MED13: variants seen among roughly 807,000 people sequenced by gnomAD.
The protein encoded by MED13 is mediator complex subunit 13, also known as mediator of RNA polymerase II transcription subunit 13.
In MED13, 23 loss-of-function variants were observed where a neutral mutation model predicts 225.2. The ratio of observed to expected loss-of-function variants is 0.10; its 90% confidence interval spans 0.07 to 0.14. The LOEUF (loss-of-function observed/expected upper bound fraction) is 0.14. Among genes scored for constraint, MED13 ranks in the 10% least tolerant of loss-of-function variants. The pLI, the probability that MED13 is intolerant of heterozygous loss-of-function variation, is 1.00. For synonymous variants in MED13, 942 were observed against 889.2 expected (o/e 1.06, Z -1.06); for missense variants, 2,197 against 2,594.5 (o/e 0.85, Z 3.33).
At chr17:61,964,949 A>G in intron 20 of MED13, 57 bp downstream of exon 20, 1 of 1,484,894 alleles carries the variant, frequency 6.7e-7, no homozygotes. Context: ...AAAAAAAAAG[A>G]AAGAAGCAGC....
chr17:62,048,043 C>CATATACATATACATATACATATACATAT (rs776069700), intron 3 of MED13, among the ~76,000 whole-genome samples: 11 of 131,166 alleles, frequency 8.4e-5, no homozygotes, highest in African/African-American at 2.2e-4. Flanking sequence ...TATACATATA[C>CATATACATATACATATACATATACATAT]ATATATATAT....
chr17:61,963,303 G>C (rs2080023140), intron 20 of MED13, among the ~76,000 whole-genome samples: 1 of 146,136 alleles, frequency 6.8e-6, no homozygotes, highest in African/African-American at 2.6e-5. Context: ...TAGAGTTTAA[G>C]GGATAAAACT....
intron 8 of MED13, among the ~76,000 whole-genome samples, chr17:62,021,926 G>C (rs996714923): frequency 1.3e-5 from 2 of 151,944 alleles, no homozygotes; most frequent in African/African-American, 4.8e-5. Flanking sequence ...CTGCACTTTG[G>C]GAGGCCAAGG....
chr17:61,964,962 C>G (rs779764980), intron 20 of MED13, 44 bp downstream of exon 20: 50 of 1,540,402 alleles, frequency 3.2e-5, no homozygotes, highest in Non-Finnish European at 3.8e-5. Context: ...GAAGCAGCAT[C>G]ATAGTTTTTA....
At chr17:62,033,512 A>G (rs1408182631) in intron 5 of MED13, among the ~76,000 whole-genome samples, 1 of 152,224 alleles carries the variant, frequency 6.6e-6, no homozygotes, top group African/African-American at 2.4e-5. Flanking sequence ...GTACACTTAC[A>G]TGGTTAGGTT....
At chr17:62,048,747 A>G (rs1009008512) in intron 3 of MED13, among the ~76,000 whole-genome samples, 2 of 152,108 alleles carry the variant, frequency 1.3e-5, no homozygotes, top group Admixed American at 1.3e-4. Flanking sequence ...AGAGCGTACA[A>G]ATACTGGCAG....
At chr17:62,004,666 C>G (rs756271771) in intron 9 of MED13, 1 of 152,112 alleles carries the variant, frequency 6.6e-6, no homozygotes, top group South Asian at 2.1e-4. Context: ...GAGAAAGGGT[C>G]TGGATTTTAC....
chr17:62,065,226 G>A lies in MED13; in HGVS notation c.-21C>T. ...CTCATCGTCCCTCACAGCAGCCGCC[G>A]CCGGCGCCACAACCCACCATCCGCC... On this transcript the variant is annotated 5_prime_UTR_variant, in exon 1 of 30. Transcript: ENST00000397786. The A allele has an allele frequency of 2.0e-6, 3 of 1,503,854 alleles. No homozygotes were observed. The highest frequency in any genetic ancestry group is 2.4e-5 in the South Asian group (2 of 83,482). 93.2% of individuals were successfully genotyped at this position (1,503,854 alleles called of 1,614,324 possible).
At chr17:62,035,099 C>T (rs1017746373) in intron 4 of MED13, among the ~76,000 whole-genome samples, 19 of 151,914 alleles carry the variant, frequency 1.3e-4, no homozygotes, top group African/African-American at 3.4e-4. Flanking sequence ...CCAGCCTGGG[C>T]GACAGAGCGA....
Position 62,064,134 on chromosome 17 carries a change from G to T in MED13, c.67-833C>A, listed in dbSNP as rs2081062989. 3.9e-5 allele frequency among the ~76,000 whole-genome samples: 6 copies of T among 152,320 alleles called. No homozygotes were observed. In the South Asian group the frequency reaches 1.2e-3, roughly 32 times the overall value. ...CAGTTTACACTTGCCAACTAGTTGT[G>T]CTCCTCCCACTTAACTCACTTACCT... On this transcript the variant is annotated intron_variant, in intron 1 of 29. Transcript: ENST00000397786.
At chr17:62,044,796 G>GA (rs2080884913) in intron 3 of MED13, among the ~76,000 whole-genome samples, 1 of 152,140 alleles carries the variant, frequency 6.6e-6, no homozygotes, top group Non-Finnish European at 1.5e-5. Flanking sequence ...CAAGTAGCTG[G>GA]AATTACAGGC....
At position 62,063,105 on chromosome 17, in the gene MED13, T is replaced by C; in HGVS notation, c.263A>G (p.Asp88Gly). Reference protein sequence around the residue: ...RELWIFWWGEDPSFADLIHHD... With the variant: ...RELWIFWWGEGPSFADLIHHD... ...GTGAATAAGGTCAGCAAAACTGGGGTCTTCACCCCACCAAAATATCCACAA... is the reference window on the plus strand; with the variant it reads ...GTGAATAAGGTCAGCAAAACTGGGGCCTTCACCCCACCAAAATATCCACAA... The change falls in exon 2 of 30, where the codon GAC becomes GGC. Residue 88 changes from aspartate to glycine, a missense_variant. Asp to Gly is a moderately conservative substitution (Grantham distance 94). Transcript: ENST00000397786. 6.2e-7 allele frequency: 1 copy of C among 1,614,076 alleles called. No individual in the cohort carries two copies. Among genetic ancestry groups the C allele is most frequent in the Non-Finnish European group, 8.5e-7 (1 of 1,180,006 alleles).
At chr17:62,016,107 C>CT (rs1215049407) in intron 8 of MED13, among the ~76,000 whole-genome samples, 38 of 142,188 alleles carry the variant, frequency 2.7e-4, no homozygotes, top group Middle Eastern at 7.4e-3. Flanking sequence ...CCAGCCTGAA[C>CT]TTTGTAAAAG....
At chr17:61,993,227 A>T (rs1285827238) in intron 10 of MED13, among the ~76,000 whole-genome samples, 2 of 122,060 alleles carry the variant, frequency 1.6e-5, no homozygotes, top group Non-Finnish European at 3.2e-5. Flanking sequence ...TTTGAGACAG[A>T]GTCTCACTCT....
chr17:62,007,493 A>G (rs2143572483), intron 9 of MED13: 1 of 152,334 alleles, frequency 6.6e-6, no homozygotes, highest in Admixed American at 6.5e-5. Flanking sequence ...AGAATTTTTT[A>G]GGAGATGGTA....
At chr17:61,986,917 T>C (rs985436603) in intron 12 of MED13, 90 bp downstream of exon 12, 17 of 814,054 alleles carry the variant, frequency 2.1e-5, no homozygotes, top group African/African-American at 5.4e-5. Context: ...TAAAACATAG[T>C]ATTAAACTCA....
chr17:62,062,589 A>C (rs1172956485), intron 2 of MED13, among the ~76,000 whole-genome samples: 2 of 78,130 alleles, frequency 2.6e-5, no homozygotes, highest in Non-Finnish European at 4.5e-5. Flanking sequence ...ACACACACAC[A>C]CACACACACA....
chr17:62,041,044 G>A (rs1416765794), intron 3 of MED13, among the ~76,000 whole-genome samples: 1 of 152,166 alleles, frequency 6.6e-6, no homozygotes, highest in Non-Finnish European at 1.5e-5. Flanking sequence ...GACACCCAAA[G>A]GAACTTAAAG....
Position 61,975,413 on chromosome 17 carries a change from A to C in MED13, c.3806-2525T>G, listed in dbSNP as rs1432075604. 2.6e-5 allele frequency among the ~76,000 whole-genome samples: 4 copies of C among 152,228 alleles called. 1 individual carries two copies. Among genetic ancestry groups the C allele is most frequent in the Admixed American group, 2.6e-4 (4 of 15,284 alleles). ...TGAAACCACAATGAGATACTACTTC[A>C]CACAAAGTATCACAATGAGATACTT... On this transcript the variant is annotated intron_variant, in intron 16 of 29. Coordinates refer to ENST00000397786, the MANE Select transcript of MED13 (RefSeq NM_005121.3).
Sources: allele counts gnomAD v4.1 joint callset (sites outside exome capture counted in the v4.1 genomes callset), GRCh38; gene constraint gnomAD v4.1.1; transcripts MANE v1.5; gene names NCBI Gene and HGNC (gene_info 2026-07-23, HGNC 2026-07-21).